The following RASGRF2 variants were observed in gnomAD, a reference collection of about 807,000 sequenced individuals.
RASGRF2 encodes the protein ras-specific guanine nucleotide-releasing factor 2.
Under a neutral mutation model 151.0 loss-of-function variants are expected in RASGRF2, and 76 were observed. That is an observed-to-expected ratio of 0.50 (90% CI 0.42 to 0.61). The LOEUF is 0.61. Ranked by LOEUF, RASGRF2 falls within the 20% of genes least tolerant of loss-of-function variation. The pLI is 0.00. For missense variants in RASGRF2, 1,148 were observed against 1,564.6 expected (o/e 0.73, Z 4.49); for synonymous variants, 504 against 566.5 (o/e 0.89, Z 1.57).
At chr5:81,145,673 C>G (rs987627251) in intron 17 of RASGRF2, among the ~76,000 whole-genome samples, 2 of 152,180 alleles carry the variant, frequency 1.3e-5, no homozygotes, top group East Asian at 3.8e-4. Flanking sequence ...ACTAGGTCTT[C>G]TGCCAACAGC....
At chr5:80,983,781 G>C (rs369729686) in intron 1 of RASGRF2, among the ~76,000 whole-genome samples, 6 of 152,168 alleles carry the variant, frequency 3.9e-5, no homozygotes, top group East Asian at 1.9e-4. Context: ...ACCCATAAAA[G>C]AGCTCAATAA....
chr5:81,053,485 A>G (rs1580257199), intron 2 of RASGRF2, among the ~76,000 whole-genome samples: 2 of 152,042 alleles, frequency 1.3e-5, no homozygotes, highest in Admixed American at 6.6e-5. Flanking sequence ...ATAGTATTCC[A>G]TGGTGTATAT....
chr5:81,201,329 G>T lies in RASGRF2; in HGVS notation c.2794-1G>T. On this transcript the variant is annotated splice_acceptor_variant, in intron 18 of 26. Transcript: ENST00000265080. LOFTEE classifies it high-confidence loss of function. ...TTAAAAAGATTCATTTTATTTTACA[G>T]GATTTCGAACTCAACAATGAACTAA... 1 of 1,608,136 alleles carries T rather than the reference G, an allele frequency of 6.2e-7. No homozygotes were observed. The highest frequency in any genetic ancestry group is 8.5e-7 in the Non-Finnish European group (1 of 1,177,764).
chr5:81,018,113 A>AAAAGAAAG (rs532836478), intron 1 of RASGRF2, among the ~76,000 whole-genome samples: 3 of 151,990 alleles, frequency 2.0e-5, no homozygotes, highest in African/African-American at 7.3e-5. Context: ...TCTCAAAAAA[A>AAAAGAAAG]AAAGAAAGAA....
chr5:81,017,025 G>A (rs1749659577), intron 1 of RASGRF2, among the ~76,000 whole-genome samples: 1 of 152,170 alleles, frequency 6.6e-6, no homozygotes, highest in Non-Finnish European at 1.5e-5. Context: ...TGTGCTGGTT[G>A]ATAATTGTCA....
intron 5 of RASGRF2, among the ~76,000 whole-genome samples, chr5:81,076,361 C>T (rs780316776): frequency 2.0e-5 from 3 of 152,162 alleles, no homozygotes; most frequent in Non-Finnish European, 4.4e-5. Flanking sequence ...GAATGTACTG[C>T]TCAGGTCAAG....
At chr5:81,137,647 A>G (rs1209647074) in intron 17 of RASGRF2, among the ~76,000 whole-genome samples, 1 of 152,214 alleles carries the variant, frequency 6.6e-6, no homozygotes, top group African/African-American at 2.4e-5. Flanking sequence ...ATTAGGACAT[A>G]CACATAGACT....
chr5:81,086,877 A>G lies in RASGRF2; in HGVS notation c.1314A>G (p.Lys438=), dbSNP rs1436909484. Residue 438 remains lysine, a synonymous_variant, in exon 9 of 27, where the codon AAA becomes AAG. Transcript: ENST00000265080. The part of the protein sequence containing the change: ...DEVSDTENIR[K]NLAIERMIVE... ...TCAGCGACACTGAAAACATAAGGAA[A>G]AACCTTGCCATCGAAAGAATGATCG... 1.2e-6 allele frequency: 2 copies of G among 1,614,200 alleles called. No individual in the cohort carries two copies. The highest frequency in any genetic ancestry group is 4.5e-5 in the East Asian group (2 of 44,882).
At chr5:81,099,698 T>C (rs1176908074) in intron 12 of RASGRF2, among the ~76,000 whole-genome samples, 3 of 152,192 alleles carry the variant, frequency 2.0e-5, no homozygotes, top group Admixed American at 1.3e-4. Context: ...GAAAAGTGTT[T>C]TTGCCTTCTA....
intron 17 of RASGRF2, among the ~76,000 whole-genome samples, chr5:81,150,785 A>G (rs1473332181): frequency 6.6e-6 from 1 of 152,230 alleles, no homozygotes; most frequent in African/African-American, 2.4e-5. Context: ...TGATAATTCA[A>G]TAAAAGGAGT....
At chr5:81,070,288 C>A (rs1385322085) in intron 3 of RASGRF2, 4 of 499,660 alleles carry the variant, frequency 8.0e-6, no homozygotes, top group Non-Finnish European at 1.5e-5. Flanking sequence ...ACAGTCACTT[C>A]TTATAAACAC....
chr5:81,088,117 A>G (rs914822749), intron 9 of RASGRF2: 1 of 152,252 alleles, frequency 6.6e-6, no homozygotes, highest in African/African-American at 2.4e-5. Context: ...TGCTGACAAC[A>G]TCAGGCCCTT....
At chr5:81,203,899 C>T (rs541977295) in intron 19 of RASGRF2, among the ~76,000 whole-genome samples, 1 of 152,310 alleles carries the variant, frequency 6.6e-6, no homozygotes, top group East Asian at 1.9e-4. Flanking sequence ...CCGTTAAGGC[C>T]ATATGGCCCA....
chr5:81,014,302 A>C (rs1373869796), intron 1 of RASGRF2, among the ~76,000 whole-genome samples: 2 of 152,218 alleles, frequency 1.3e-5, no homozygotes, highest in Non-Finnish European at 2.9e-5. Context: ...TTACAAAAGA[A>C]AGAGGTTTAA....
chr5:81,118,659 G>A (rs1031308922), intron 15 of RASGRF2, among the ~76,000 whole-genome samples: 1 of 152,184 alleles, frequency 6.6e-6, no homozygotes, highest in East Asian at 1.9e-4. Context: ...CACTCTTTAC[G>A]TGGCTGAGCT....
chr5:80,982,853 G>T (rs1580165838), intron 1 of RASGRF2, among the ~76,000 whole-genome samples: 1 of 151,990 alleles, frequency 6.6e-6, no homozygotes, highest in South Asian at 2.1e-4. Flanking sequence ...GCCCGCCTGG[G>T]CCTCCCAAAG....
intron 18 of RASGRF2, among the ~76,000 whole-genome samples, chr5:81,185,183 G>A (rs1754999825): frequency 6.6e-6 from 1 of 152,224 alleles, no homozygotes; most frequent in Admixed American, 6.5e-5. Context: ...AGAGGCATCT[G>A]TGTAAGTTCC....
rs557112280 is a variant in RASGRF2, at chr5:81,000,096, C to G, written c.288+39070C>G. Reference sequence around the variant, plus strand: ...CAGCTGAGGCTGGAGGAACCACTTCCAAGGTGGCTTCTTGGTTCACATTCT... The same window carrying G: ...CAGCTGAGGCTGGAGGAACCACTTCGAAGGTGGCTTCTTGGTTCACATTCT... On this transcript the variant is annotated intron_variant, in intron 1 of 26. Transcript: ENST00000265080. 7.9e-5 allele frequency among the ~76,000 whole-genome samples: 12 copies of G among 152,274 alleles called. No homozygotes were observed. The East Asian group carries it at 2.1e-3, about 27-fold the overall frequency.
chr5:81,015,658 A>G (rs497377), intron 1 of RASGRF2, among the ~76,000 whole-genome samples: 34,648 of 147,742 alleles, frequency 0.23, 4,667 homozygotes, highest in Middle Eastern at 0.48. Flanking sequence ...TATTAAATAC[A>G]TTAATTAGTC....
Sources: gnomAD v4.1 joint callset for allele counts (sites outside exome capture counted in the v4.1 genomes callset) on GRCh38, gnomAD v4.1.1 for gene constraint, MANE v1.5 for transcripts, NCBI Gene and HGNC (gene_info 2026-07-23, HGNC 2026-07-21) for gene names.